The following FIGN variants were observed in gnomAD, a reference collection of about 807,000 sequenced individuals.
The protein encoded by FIGN is fidgetin.
Under a neutral mutation model 51.3 loss-of-function variants are expected in FIGN, and 11 were observed. The observed-to-expected ratio is 0.21, with a 90% confidence interval of 0.13 to 0.35. The LOEUF (loss-of-function observed/expected upper bound fraction) is 0.35, where lower values mean the gene tolerates loss of function less well. FIGN is among the 10% of genes least tolerant of loss of function. The pLI is 1.00. For missense variants in FIGN, 857 were observed against 943.6 expected (o/e 0.91, Z 1.20); for synonymous variants, 407 against 363.2 (o/e 1.12, Z -1.37).
intron 2 of FIGN, among the ~76,000 whole-genome samples, chr2:163,663,768 G>C (rs1378360378): frequency 6.6e-6 from 1 of 151,754 alleles, no homozygotes; most frequent in African/African-American, 2.4e-5. Flanking sequence ...TGTAATCCCA[G>C]CTACTCAGGA....
intron 2 of FIGN, among the ~76,000 whole-genome samples, chr2:163,628,402 G>C (rs1444029803): frequency 6.6e-6 from 1 of 152,182 alleles, no homozygotes; most frequent in African/African-American, 2.4e-5. Context: ...TGGAAGCAGA[G>C]TGGTTTGATA....
At chr2:163,712,403 G>GCAAAA (rs1684601053) in intron 2 of FIGN, among the ~76,000 whole-genome samples, 1 of 152,104 alleles carries the variant, frequency 6.6e-6, no homozygotes, top group African/African-American at 2.4e-5. Context: ...AGAAACACCA[G>GCAAAA]CAAAACCCTG....
intron 2 of FIGN, among the ~76,000 whole-genome samples, chr2:163,696,224 TC>T (rs1443259077): frequency 1.3e-5 from 2 of 152,164 alleles, no homozygotes; most frequent in Admixed American, 1.3e-4. Flanking sequence ...AACAATAGTT[TC>T]CTAGGTAGGA....
chr2:163,615,936 G>T (rs1682868752), intron 2 of FIGN, among the ~76,000 whole-genome samples: 1 of 152,096 alleles, frequency 6.6e-6, no homozygotes, highest in East Asian at 1.9e-4. Flanking sequence ...CGTGTTTTTT[G>T]AAAATACACA....
At chr2:163,696,340 C>T (rs1331945578) in intron 2 of FIGN, among the ~76,000 whole-genome samples, 3 of 152,008 alleles carry the variant, frequency 2.0e-5, no homozygotes, top group Non-Finnish European at 4.4e-5. Context: ...CAGAGTGTTT[C>T]CTGGTACCCC....
chr2:163,706,959 C>T (rs1684509676), intron 2 of FIGN, among the ~76,000 whole-genome samples: 1 of 152,186 alleles, frequency 6.6e-6, no homozygotes, highest in Non-Finnish European at 1.5e-5. Flanking sequence ...ATTGCAGCAT[C>T]AGTTACATCT....
At chr2:163,733,417 G>A (rs1455178697) in intron 2 of FIGN, among the ~76,000 whole-genome samples, 1 of 152,074 alleles carries the variant, frequency 6.6e-6, no homozygotes, top group Non-Finnish European at 1.5e-5. Context: ...CACATTGTCC[G>A]AGCTCCGATT....
chr2:163,626,681 G>C (rs1285671742), intron 2 of FIGN, among the ~76,000 whole-genome samples: 1 of 152,124 alleles, frequency 6.6e-6, no homozygotes, highest in Non-Finnish European at 1.5e-5. Flanking sequence ...GCTGGGTAAA[G>C]TAAGGCTGAG....
chr2:163,661,555 C>T (rs1683684825), intron 2 of FIGN, among the ~76,000 whole-genome samples: 1 of 152,096 alleles, frequency 6.6e-6, no homozygotes, highest in Non-Finnish European at 1.5e-5. Flanking sequence ...CGCCACCTTG[C>T]CTGGCTAATT....
intron 2 of FIGN, among the ~76,000 whole-genome samples, chr2:163,711,421 G>A (rs1284775480): frequency 6.6e-6 from 1 of 152,082 alleles, no homozygotes; most frequent in Non-Finnish European, 1.5e-5. Context: ...TGCCTTTTGT[G>A]CAGTACTGCT....
chr2:163,672,262 A>C (rs1052080723), intron 2 of FIGN, among the ~76,000 whole-genome samples: 1 of 152,018 alleles, frequency 6.6e-6, no homozygotes. Context: ...AAAAAAAAAA[A>C]AAAACTACTT....
At chr2:163,656,712 T>C (rs746353313) in intron 2 of FIGN, among the ~76,000 whole-genome samples, 5 of 152,158 alleles carry the variant, frequency 3.3e-5, no homozygotes, top group African/African-American at 7.2e-5. Flanking sequence ...GTTTCATCAA[T>C]AAGGAAGCAG....
Position 163,617,068 on chromosome 2 carries a change from T to G in FIGN, c.26-5262A>C, listed in dbSNP as rs1316070342. 5 of 981,326 alleles carry G rather than the reference T, an allele frequency of 5.1e-6. No homozygotes were observed. The East Asian group carries it at 5.7e-4, about 112-fold the overall frequency. The allele number at this position is 981,326 out of a possible 1,614,324, so 60.8% of individuals were successfully genotyped here. A position where few individuals can be genotyped will look rare whatever the true frequency, so the allele number is the denominator to read the frequency against. On this transcript the variant is annotated intron_variant, in intron 2 of 2. Coordinates refer to ENST00000333129, the MANE Select transcript of FIGN (RefSeq NM_018086.4). ...ATGCAGCCTTGTCTACTCATCCTCA[T>G]AAGCCAAGAGGCCAACACAGCATTA...
At chr2:163,705,631 AT>A (rs1360275141) in intron 2 of FIGN, among the ~76,000 whole-genome samples, 1 of 151,386 alleles carries the variant, frequency 6.6e-6, no homozygotes, top group Middle Eastern at 3.2e-3. Context: ...TATATTGTTT[AT>A]TTTTTGTCTT....
At chr2:163,615,866 A>T (rs1682867257) in intron 2 of FIGN, among the ~76,000 whole-genome samples, 1 of 152,190 alleles carries the variant, frequency 6.6e-6, no homozygotes, top group South Asian at 2.1e-4. Context: ...CAAAACATCA[A>T]TTTTTACTTT....
Position 163,611,311 on chromosome 2 carries a change from G to A in FIGN, c.521C>T (p.Pro174Leu), listed in dbSNP as rs1691252234. Residue 174 changes from proline (P) to leucine (L), a missense_variant, in exon 3 of 3, where the codon CCC (proline) becomes CTC (leucine). Pro to Leu is a moderately conservative substitution (Grantham distance 98, BLOSUM62 -3). Around this residue, in one of 3 missense-constraint regions of FIGN, gnomAD observed 799 missense variants for 849.5 expected, o/e 0.94. Coordinates refer to ENST00000333129, the MANE Select transcript of FIGN (RefSeq NM_018086.4). ...AGATGGGAGCCCTGCATGAAGACTG[G>A]GTACAGTGTGGCTTCCACAGGTACT... ...SSSTCGSHTVPSLHAGLPSQE... is the reference protein window; with the variant it reads ...SSSTCGSHTVLSLHAGLPSQE... The A allele has an allele frequency of 1.9e-6, 3 of 1,614,084 alleles. No individual in the cohort carries two copies. The highest frequency in any genetic ancestry group is 1.7e-6 in the Non-Finnish European group (2 of 1,180,014).
At chr2:163,708,995 C>G (rs1351465573) in intron 2 of FIGN, among the ~76,000 whole-genome samples, 1 of 152,128 alleles carries the variant, frequency 6.6e-6, no homozygotes, top group Non-Finnish European at 1.5e-5. Context: ...AAAATAGATT[C>G]TTCCTGAAGA....
At chr2:163,702,105 T>C (rs548753983) in intron 2 of FIGN, among the ~76,000 whole-genome samples, 4 of 152,268 alleles carry the variant, frequency 2.6e-5, no homozygotes, top group African/African-American at 9.6e-5. Flanking sequence ...AGCTTTCAAA[T>C]ACCCATTCTC....
chr2:163,610,097 G>A lies in FIGN; in HGVS notation c.1735C>T (p.Pro579Ser). The stretch of plus-strand genomic sequence containing the variant: ...ATGTCACTAACAAAAATCACCGAGG[G>A]CTGGCGACACCTGGCCACAAGAAAA... ...ASFLVARCRQ[P>S]SVIFVSDIDM... The change falls in exon 3 of 3, where the codon CCC becomes TCC. Residue 579 changes from proline (P) to serine (S), a missense_variant. By Grantham distance (74) the Pro-to-Ser change is moderately conservative (BLOSUM62 -1). Transcript: ENST00000333129. 6.2e-7 allele frequency: 1 copy of A among 1,613,788 alleles called. No homozygotes were observed. Among genetic ancestry groups the A allele is most frequent in the Non-Finnish European group, 8.5e-7 (1 of 1,179,788 alleles).
Sources: allele counts gnomAD v4.1 joint callset (sites outside exome capture counted in the v4.1 genomes callset), GRCh38; gene constraint gnomAD v4.1.1; regional missense constraint gnomAD v4.1.1; transcripts MANE v1.5; gene names NCBI Gene and HGNC (gene_info 2026-07-23, HGNC 2026-07-21).